CDADC1: variants seen among roughly 807,000 people sequenced by gnomAD.
CDADC1 encodes dCTP deaminase.
Under a neutral mutation model 54.9 loss-of-function variants are expected in CDADC1, and 39 were observed. The ratio of observed to expected loss-of-function variants is 0.71; its 90% CI spans 0.55 to 0.93. CDADC1 has a LOEUF of 0.93. Among genes scored for constraint, CDADC1 ranks in the 40% least tolerant of loss-of-function variants. The probability of loss-of-function intolerance (pLI) is 0.00; values close to 1 mark genes in which losing one functional copy is unlikely to be tolerated. For synonymous variants in CDADC1, 186 were observed against 204.0 expected, an observed-to-expected ratio of 0.91 and a Z score of 0.75; for missense variants, 518 against 618.8, an observed-to-expected ratio of 0.84 and a Z score of 1.73.
At position 49,278,330 on chromosome 13, in the gene CDADC1, T is replaced by G; in HGVS notation, c.1051-20T>G. ...TTTTCAGAATGTTGAAACTAACCAT[T>G]GGTTTGCTCACTCTCGTAGAGAAGT... On this transcript the variant is annotated intron_variant, in intron 6 of 9. Transcript: ENST00000251108. The G allele has an allele frequency of 6.8e-7, 1 of 1,481,068 alleles. No individual in the cohort carries two copies. Among genetic ancestry groups the G allele is most frequent in the South Asian group, 1.4e-5 (1 of 69,982 alleles). 91.7% of individuals were successfully genotyped at this position (1,481,068 alleles called of 1,614,324 possible). A position where few individuals can be genotyped will look rare whatever the true frequency, so the allele number is the denominator to read the frequency against.
intron 7 of CDADC1, among the ~76,000 whole-genome samples, chr13:49,278,902 A>G (rs927514041): frequency 6.6e-6 from 1 of 152,224 alleles, no homozygotes; most frequent in African/African-American, 2.4e-5. Context: ...ATTTTGAGCA[A>G]CGATGGACTA....
At position 49,292,029 on chromosome 13, in the gene CDADC1, T is replaced by C. The variant is rs539050465; in HGVS notation, c.*272T>C. The C allele has an allele frequency of 3.4e-6, 4 of 1,164,456 alleles. No individual in the cohort carries two copies. In the African/African-American group the frequency reaches 4.8e-5, roughly 14 times the overall value. 72.1% of individuals were successfully genotyped at this position (1,164,456 alleles called of 1,614,324 possible). A position where few individuals can be genotyped will look rare whatever the true frequency, so the allele number is the denominator to read the frequency against. ...AACCAATGTAATCACCAACAGGGAC[T>C]GATTTCTATTTATCTTGACTTTATA... On this transcript the variant is annotated 3_prime_UTR_variant, in exon 10 of 10. Transcript: ENST00000251108.
intron 2 of CDADC1, among the ~76,000 whole-genome samples, chr13:49,253,366 G>C (rs74072778): frequency 0.011 from 1,633 of 152,132 alleles, 23 homozygotes; most frequent in African/African-American, 0.037. Context: ...ATTTAACTCT[G>C]GATCCTACCC....
chr13:49,284,036 T>A (rs1336213294), intron 8 of CDADC1, among the ~76,000 whole-genome samples: 1 of 152,206 alleles, frequency 6.6e-6, no homozygotes, highest in African/African-American at 2.4e-5. Context: ...CTTTGAAAGA[T>A]TTTTTGCTTT....
chr13:49,248,375 A>G (rs938586684), intron 1 of CDADC1: 1 of 444,252 alleles, frequency 2.3e-6, no homozygotes, highest in African/African-American at 2.0e-5. Flanking sequence ...TCTGAGGTCA[A>G]AGAGCCTGAA....
chr13:49,259,441 T>C lies in CDADC1; in HGVS notation c.348T>C (p.Ile116=), dbSNP rs747664302. The C allele has an allele frequency of 2.5e-6, 4 of 1,614,040 alleles. No homozygotes were observed. The highest frequency in any genetic ancestry group is 3.4e-6 in the Non-Finnish European group (4 of 1,179,994). The change falls in exon 4 of 10, where the codon ATT becomes ATC. Residue 116 remains isoleucine, a synonymous_variant. Coordinates refer to ENST00000251108, the MANE Select transcript of CDADC1 (RefSeq NM_030911.4). ...TACATGCCGGGCAGATTGCTCTTATTAAACATGGGTCAAGGCTGAAAAACT... is the reference window on the plus strand; with the variant it reads ...TACATGCCGGGCAGATTGCTCTTATCAAACATGGGTCAAGGCTGAAAAACT... ...EDLHAGQIAL[I]KHGSRLKNCD...
intron 4 of CDADC1, chr13:49,265,888 A>G (rs6561512): frequency 0.99 from 1,287,155 of 1,302,610 alleles, 636,568 homozygotes; most frequent in East Asian, 1. Context: ...GGATTACTGG[A>G]AGCAGCTAAG....
intron 9 of CDADC1, among the ~76,000 whole-genome samples, chr13:49,287,520 CTCTG>C (rs970944634): frequency 1.2e-4 from 18 of 151,614 alleles, no homozygotes; most frequent in African/African-American, 3.2e-4. Flanking sequence ...CGGTCTGTCT[CTCTG>C]TCTATCTATA....
chr13:49,292,700 T>C lies in CDADC1; in HGVS notation c.*943T>C. 5 of 1,260,126 alleles carry C rather than the reference T, an allele frequency of 4.0e-6. No homozygotes were observed. Among genetic ancestry groups the C allele is most frequent in the Non-Finnish European group, 5.1e-6 (5 of 976,972 alleles). The allele number at this position is 1,260,126 out of a possible 1,614,324, so 78.1% of individuals were successfully genotyped here. On this transcript the variant is annotated 3_prime_UTR_variant, in exon 10 of 10. Transcript: ENST00000251108. The stretch of plus-strand genomic sequence containing the variant: ...AGCTATTCCAGATTGCTGTCTGTGA[T>C]TTCTCACATTTTTATTTGCTGAGAA...
In CDADC1 at chr13:49,291,963, G is replaced by T. The variant is rs1953719377; in HGVS notation, c.*206G>T. ...TGTGTGGGTTTTCCATAATGTAGTAGTGTGTTATTTTATTACACGAAATGA... is the reference window on the plus strand; with the variant it reads ...TGTGTGGGTTTTCCATAATGTAGTATTGTGTTATTTTATTACACGAAATGA... On this transcript the variant is annotated 3_prime_UTR_variant, in exon 10 of 10. Coordinates refer to ENST00000251108, the MANE Select transcript of CDADC1 (RefSeq NM_030911.4). 3.0e-6 allele frequency: 4 copies of T among 1,321,644 alleles called. No individual in the cohort carries two copies. The highest frequency in any genetic ancestry group is 3.9e-6 in the Non-Finnish European group (4 of 1,034,112). 81.9% of individuals were successfully genotyped at this position (1,321,644 alleles called of 1,614,324 possible). A position where few individuals can be genotyped will look rare whatever the true frequency, so the allele number is the denominator to read the frequency against.
intron 9 of CDADC1, among the ~76,000 whole-genome samples, chr13:49,290,867 T>C (rs989370749): frequency 3.9e-5 from 6 of 152,188 alleles, no homozygotes; most frequent in Non-Finnish European, 7.3e-5. Flanking sequence ...CATCAAGCTA[T>C]ACACTTTATG....
intron 5 of CDADC1, among the ~76,000 whole-genome samples, chr13:49,270,897 G>C (rs746230861): frequency 3.3e-5 from 5 of 152,196 alleles, no homozygotes; most frequent in Non-Finnish European, 5.9e-5. Flanking sequence ...CTATGATACA[G>C]TGCGCTTCCA....
chr13:49,260,566 A>G (rs1952656589), intron 4 of CDADC1, among the ~76,000 whole-genome samples: 1 of 152,204 alleles, frequency 6.6e-6, no homozygotes, highest in Non-Finnish European at 1.5e-5. Context: ...ACTACTATAC[A>G]CTTTGGAAGG....
chr13:49,254,947 G>A (rs1952510726), intron 2 of CDADC1, among the ~76,000 whole-genome samples: 1 of 152,136 alleles, frequency 6.6e-6, no homozygotes, highest in Non-Finnish European at 1.5e-5. Context: ...GGATATACCT[G>A]TATTCGTTTT....
At chr13:49,259,294 A>G (rs1952615422) in intron 3 of CDADC1, 52 bp from the exon 4 acceptor site, 2 of 1,172,996 alleles carry the variant, frequency 1.7e-6, no homozygotes, top group African/African-American at 3.1e-5. Context: ...AATCCATAAT[A>G]TGATTATTAG....
intron 9 of CDADC1, among the ~76,000 whole-genome samples, chr13:49,288,861 G>A (rs1360988244): frequency 1.3e-5 from 2 of 152,104 alleles, no homozygotes; most frequent in African/African-American, 4.8e-5. Context: ...GAAAATAAGA[G>A]AAATATTCTC....
intron 4 of CDADC1, among the ~76,000 whole-genome samples, chr13:49,261,974 A>T (rs893970400): frequency 1.3e-5 from 2 of 152,206 alleles, no homozygotes; most frequent in African/African-American, 4.8e-5. Context: ...CTTATGTATT[A>T]TATTTAGTTA....
At chr13:49,279,319 G>C (rs538657142) in intron 7 of CDADC1, among the ~76,000 whole-genome samples, 2 of 152,210 alleles carry the variant, frequency 1.3e-5, no homozygotes, top group South Asian at 4.1e-4. Context: ...ATGGACAAAT[G>C]GGAGAGTGCA....
At chr13:49,258,800 C>T (rs1286083510) in intron 3 of CDADC1, among the ~76,000 whole-genome samples, 1 of 152,104 alleles carries the variant, frequency 6.6e-6, no homozygotes, top group African/African-American at 2.4e-5. Context: ...TTGATACAGC[C>T]AGTAGTTTCT....
Sources: allele counts gnomAD v4.1 joint callset (sites outside exome capture counted in the v4.1 genomes callset), GRCh38; gene constraint gnomAD v4.1.1; transcripts MANE v1.5; gene names NCBI Gene and HGNC (gene_info 2026-07-23, HGNC 2026-07-21).